The following FAM20C variants were observed in gnomAD, a reference collection of about 807,000 sequenced individuals.
FAM20C encodes the protein FAM20C golgi associated secretory pathway kinase, also known as extracellular serine/threonine protein kinase FAM20C.
Under a neutral mutation model 51.5 loss-of-function variants are expected in FAM20C, and 40 were observed. That is an observed-to-expected ratio of 0.78 (90% CI 0.60 to 1.01). The LOEUF is 1.01. Ranked by LOEUF, FAM20C falls within the 50% of genes least tolerant of loss-of-function variation. FAM20C has a pLI of 0.00. For synonymous variants in FAM20C, 406 were observed against 380.6 expected (o/e 1.07, Z -0.78); for missense variants, 861 against 844.7 (o/e 1.02, Z -0.24).
At chr7:259,636 C>G in intron 9 of FAM20C, 95 bp from the exon 10 acceptor site, 1 of 1,255,232 alleles carries the variant, frequency 8.0e-7, no homozygotes. Context: ...GTCTCTCCCC[C>G]CACTCTCTCG....
At chr7:209,050 G>C (rs1786581779) in intron 3 of FAM20C, 74 bp downstream of exon 3, 1 of 1,446,330 alleles carries the variant, frequency 6.9e-7, no homozygotes, top group Non-Finnish European at 9.5e-7. Flanking sequence ...GCTTCTGCTG[G>C]GGATGGCCGT....
At chr7:254,165 G>T (rs1324846087) in intron 5 of FAM20C, among the ~76,000 whole-genome samples, 1 of 152,122 alleles carries the variant, frequency 6.6e-6, no homozygotes, top group Non-Finnish European at 1.5e-5. Flanking sequence ...GGTCGGCCTG[G>T]CACCCACCCC....
chr7:209,983 A>G (rs550591660), intron 3 of FAM20C, among the ~76,000 whole-genome samples: 55 of 152,250 alleles, frequency 3.6e-4, no homozygotes, highest in African/African-American at 1.2e-3. Flanking sequence ...CCCAAGACCC[A>G]CGAGTCCTGC....
In FAM20C at chr7:256,773, G is replaced by A. The variant is rs36156504; in HGVS notation, c.1363+10G>A. 0.35 allele frequency: 540,057 copies of A among 1,534,582 alleles called. 98,173 individuals are homozygous for A. The highest frequency in any genetic ancestry group is 0.38 in the Non-Finnish European group (431,912 of 1,145,660). On this transcript the variant is annotated intron_variant, in intron 7 of 9. Coordinates refer to ENST00000313766, the MANE Select transcript of FAM20C (RefSeq NM_020223.4). Reference sequence around the variant, plus strand: ...TTCGACTTCCTCATGGGTACGTCCCGCAGGGGCACGGGGTCCCCGTGTCAC... The same window carrying A: ...TTCGACTTCCTCATGGGTACGTCCCACAGGGGCACGGGGTCCCCGTGTCAC...
intron 2 of FAM20C, among the ~76,000 whole-genome samples, chr7:202,985 G>A (rs1786203028): frequency 6.6e-6 from 1 of 152,234 alleles, no homozygotes; most frequent in Non-Finnish European, 1.5e-5. Flanking sequence ...TGTGCTGTTG[G>A]TTTCATGATG....
chr7:204,057 G>A (rs983001828), intron 2 of FAM20C, among the ~76,000 whole-genome samples: 6 of 152,164 alleles, frequency 3.9e-5, no homozygotes, highest in East Asian at 1.9e-4. Flanking sequence ...AGTCAACCAC[G>A]GTTTTACTTT....
intron 3 of FAM20C, among the ~76,000 whole-genome samples, chr7:222,917 T>C (rs1290308807): frequency 6.6e-6 from 1 of 151,950 alleles, no homozygotes; most frequent in Non-Finnish European, 1.5e-5. Context: ...AGGGTGTGCA[T>C]GTGTGGGTGT....
Position 246,791 on chromosome 7 carries a change from G to A in FAM20C, c.956+284G>A, listed in dbSNP as rs544541214. 5.9e-5 allele frequency among the ~76,000 whole-genome samples: 9 copies of A among 152,196 alleles called. No homozygotes were observed. The East Asian group carries it at 1.2e-3, about 20-fold the overall frequency. The stretch of plus-strand genomic sequence containing the variant: ...TGTCATCGTAGCCCACACAACACGC[G>A]GTAGGGAGAGCCTTTCATATCCCCC... On this transcript the variant is annotated intron_variant, in intron 4 of 9. Transcript: ENST00000313766.
intron 3 of FAM20C, among the ~76,000 whole-genome samples, chr7:237,454 G>A (rs1051345152): frequency 2.0e-4 from 30 of 152,328 alleles, no homozygotes; most frequent in African/African-American, 6.3e-4. Context: ...CGGTGATGAC[G>A]GTGCTGATGG....
chr7:257,070 T>C lies in FAM20C; in HGVS notation c.1429T>C (p.Leu477=). Residue 477 remains leucine (L), a synonymous_variant, in exon 8 of 10, where the codon TTA becomes CTA. Coordinates refer to ENST00000313766, the MANE Select transcript of FAM20C (RefSeq NM_020223.4). ...TGGGAATGAAACGTTCATCATCCAC[T>C]TAGACAATGGAAGAGGGTGAGCCTG... ...KFGNETFIIH[L]DNGRGFGKYS... is the part of the protein sequence containing the mutation. The C allele has an allele frequency of 6.5e-7, 1 of 1,537,000 alleles. No homozygotes were observed.
intron 6 of FAM20C, 78 bp downstream of exon 6, chr7:256,107 C>A: frequency 6.7e-7 from 1 of 1,482,588 alleles, no homozygotes; most frequent in South Asian, 1.3e-5. Context: ...ATGGGAGGGT[C>A]GGCGCCCACG....
intron 3 of FAM20C, among the ~76,000 whole-genome samples, chr7:235,647 G>T (rs910516740): frequency 1.3e-5 from 2 of 152,206 alleles, no homozygotes; most frequent in Non-Finnish European, 2.9e-5. Context: ...GTCTCCTCCC[G>T]CTCGGGTGGG....
chr7:195,872 G>A (rs546993646), intron 2 of FAM20C, 140 bp downstream of exon 2: 75 of 819,892 alleles, frequency 9.1e-5, no homozygotes, highest in African/African-American at 8.7e-4. Context: ...CAATCTGCAC[G>A]GGCAGCGAGG....
intron 2 of FAM20C, among the ~76,000 whole-genome samples, chr7:201,090 C>A (rs1383178032): frequency 6.6e-6 from 1 of 152,202 alleles, no homozygotes; most frequent in Non-Finnish European, 1.5e-5. Context: ...CCTGAGCTCT[C>A]CCGGTGTCAC....
chr7:226,500 G>A (rs1400104333), intron 3 of FAM20C, among the ~76,000 whole-genome samples: 4 of 152,192 alleles, frequency 2.6e-5, no homozygotes, highest in African/African-American at 9.7e-5. Flanking sequence ...TCGCTGTCCC[G>A]CAGCCACACG....
intron 2 of FAM20C, among the ~76,000 whole-genome samples, chr7:198,551 A>G (rs1785988418): frequency 6.6e-6 from 1 of 152,186 alleles, no homozygotes. Context: ...CCTCTGAGGA[A>G]CAGGAGTGGG....
At chr7:256,313 C>T in intron 6 of FAM20C, 1 of 577,178 alleles carries the variant, frequency 1.7e-6, no homozygotes, top group Non-Finnish European at 3.1e-6. Flanking sequence ...CCCCGTCCCT[C>T]TCCTCACTCC....
In FAM20C at chr7:234,137, C is replaced by T. The variant is rs1056943470; in HGVS notation, c.864-12278C>T. The stretch of plus-strand genomic sequence containing the variant: ...CGTCCCGGCAAGTGGAGGCGTGACG[C>T]CTGTGGGGCCTTCCTTCGTGAGGAG... On this transcript the variant is annotated intron_variant, in intron 3 of 9. Transcript: ENST00000313766. Among the ~76,000 whole-genome samples, 1,489 of 152,358 alleles carry T rather than the reference C, an allele frequency of 9.8e-3. 7 individuals are homozygous for T. Among genetic ancestry groups the T allele is most frequent in the Middle Eastern group, 0.048 (14 of 294 alleles).
At chr7:259,633 C>T in intron 9 of FAM20C, 98 bp from the exon 10 acceptor site, 4 of 1,225,636 alleles carry the variant, frequency 3.3e-6, no homozygotes, top group African/African-American at 3.8e-5. Context: ...TCTGTCTCTC[C>T]CCCCACTCTC....
Sources: allele counts gnomAD v4.1 joint callset (sites outside exome capture counted in the v4.1 genomes callset), GRCh38; gene constraint gnomAD v4.1.1; transcripts MANE v1.5; gene names NCBI Gene and HGNC (gene_info 2026-07-23, HGNC 2026-07-21).